The following DOCK3 variants were observed in gnomAD, a reference collection of about 807,000 sequenced individuals.
The protein encoded by DOCK3 is dedicator of cytokinesis protein 3.
Under a neutral mutation model 265.6 loss-of-function variants are expected in DOCK3, and 60 were observed. The observed-to-expected ratio is 0.23, with a 90% CI of 0.18 to 0.28. DOCK3 has a LOEUF of 0.28. DOCK3 is among the 10% of genes least tolerant of loss of function. DOCK3 has a pLI of 1.00. For synonymous variants in DOCK3, 881 were observed against 938.0 expected, an observed-to-expected ratio of 0.94 and a Z score of 1.11; for missense variants, 1,981 against 2,594.3, an observed-to-expected ratio of 0.76 and a Z score of 5.14.
chr3:50,798,484 C>T (rs755428832), intron 2 of DOCK3, among the ~76,000 whole-genome samples: 11 of 152,184 alleles, frequency 7.2e-5, no homozygotes, highest in Non-Finnish European at 1.5e-4. Context: ...AGTGCCATCT[C>T]TCAGAAAGAA....
chr3:50,685,724 A>G, intron 1 of DOCK3: 1 of 226,950 alleles, frequency 4.4e-6, no homozygotes, highest in Admixed American at 4.2e-5. Flanking sequence ...TAGAGCATGG[A>G]AGTTTTCTGC....
chr3:51,375,794 G>C lies in DOCK3; in HGVS notation c.5459G>C (p.Cys1820Ser). Residue 1820 changes from cysteine to serine, a missense_variant, in exon 51 of 53, where the codon TGC (cysteine) becomes TCC (serine). Cys to Ser is a moderately radical substitution (Grantham distance 112). This residue lies in a region of DOCK3 where 1,357 missense variants were observed against 1,866.8 expected (regional missense o/e 0.73). Coordinates refer to ENST00000266037, the MANE Select transcript of DOCK3 (RefSeq NM_004947.5). ...RALFQQVVGA[C>S]KPCSDPNLSV... Reference sequence around the variant, plus strand: ...CTGTTCCAGCAAGTGGTCGGAGCCTGCAAACCCTGCAGTGATCCCAATCTG... The same window carrying C: ...CTGTTCCAGCAAGTGGTCGGAGCCTCCAAACCCTGCAGTGATCCCAATCTG... 1 of 1,613,982 alleles carries C rather than the reference G, an allele frequency of 6.2e-7. No homozygotes were observed. Among genetic ancestry groups the C allele is most frequent in the African/African-American group, 1.3e-5 (1 of 75,024 alleles).
intron 5 of DOCK3, among the ~76,000 whole-genome samples, chr3:50,979,366 A>G (rs557326437): frequency 1.2e-4 from 18 of 152,246 alleles, no homozygotes; most frequent in African/African-American, 4.1e-4. Context: ...TGTTATCCCA[A>G]TATTGGAGAT....
chr3:50,993,168 C>T (rs953068158), intron 5 of DOCK3, among the ~76,000 whole-genome samples: 1 of 152,108 alleles, frequency 6.6e-6, no homozygotes, highest in Non-Finnish European at 1.5e-5. Context: ...TATGATGGGA[C>T]CTCCTATAAG....
At chr3:51,044,717 T>C (rs982436065) in intron 5 of DOCK3, among the ~76,000 whole-genome samples, 1 of 152,176 alleles carries the variant, frequency 6.6e-6, no homozygotes, top group Non-Finnish European at 1.5e-5. Context: ...CTAGATCTTC[T>C]GAATAACTTG....
chr3:50,985,825 A>T (rs2077877315), intron 5 of DOCK3, among the ~76,000 whole-genome samples: 2 of 151,588 alleles, frequency 1.3e-5, no homozygotes, highest in African/African-American at 2.4e-5. Context: ...TTTATTTATT[A>T]AATTAAATTA....
At chr3:50,866,937 A>G (rs1450668294) in intron 3 of DOCK3, among the ~76,000 whole-genome samples, 1 of 152,102 alleles carries the variant, frequency 6.6e-6, no homozygotes, top group Non-Finnish European at 1.5e-5. Context: ...GGTTCCAAAT[A>G]TATTTTAGGA....
At chr3:51,091,450 G>A (rs1271180339) in intron 9 of DOCK3, among the ~76,000 whole-genome samples, 38 of 152,134 alleles carry the variant, frequency 2.5e-4, no homozygotes, top group African/African-American at 2.4e-5. Flanking sequence ...TTGGGAGGCC[G>A]AGGAGGGCGA....
chr3:50,950,698 C>T (rs2108310290), intron 5 of DOCK3, among the ~76,000 whole-genome samples: 1 of 152,186 alleles, frequency 6.6e-6, no homozygotes, highest in South Asian at 2.1e-4. Flanking sequence ...CCTCCTGCTG[C>T]CTAGCTTTTG....
chr3:51,036,594 A>G (rs1255111170), intron 5 of DOCK3, among the ~76,000 whole-genome samples: 1 of 152,180 alleles, frequency 6.6e-6, no homozygotes, highest in Non-Finnish European at 1.5e-5. Flanking sequence ...ACTTCATACT[A>G]TACCGTACTC....
chr3:50,956,062 ATTT>A (rs34398167), intron 5 of DOCK3, among the ~76,000 whole-genome samples: 1 of 142,012 alleles, frequency 7.0e-6, no homozygotes, highest in African/African-American at 2.6e-5. Context: ...TGTGTGCCAC[ATTT>A]TTTTTTTTTT....
chr3:51,089,738 C>T (rs1027968371), intron 8 of DOCK3, among the ~76,000 whole-genome samples: 1 of 151,222 alleles, frequency 6.6e-6, no homozygotes, highest in African/African-American at 2.4e-5. Flanking sequence ...GTGAAACCTA[C>T]TAAAAATAAA....
At chr3:50,697,545 C>T (rs746341555) in intron 1 of DOCK3, among the ~76,000 whole-genome samples, 9 of 152,134 alleles carry the variant, frequency 5.9e-5, no homozygotes, top group East Asian at 3.9e-4. Context: ...GAGCCGAGAT[C>T]GTGCCACTGC....
At chr3:51,308,549 C>T (rs1331688714) in intron 27 of DOCK3, among the ~76,000 whole-genome samples, 1 of 151,898 alleles carries the variant, frequency 6.6e-6, no homozygotes, top group Non-Finnish European at 1.5e-5. Context: ...GGTCATAGAT[C>T]AACAGGATCC....
intron 9 of DOCK3, among the ~76,000 whole-genome samples, chr3:51,137,728 A>G (rs1034378554): frequency 1.2e-4 from 19 of 152,194 alleles, no homozygotes; most frequent in African/African-American, 4.1e-4. Flanking sequence ...TTCATATGCT[A>G]TTGTCTATAG....
chr3:50,810,851 A>G (rs2043710826), intron 2 of DOCK3, among the ~76,000 whole-genome samples: 1 of 152,166 alleles, frequency 6.6e-6, no homozygotes, highest in African/African-American at 2.4e-5. Context: ...GTATGAGGAA[A>G]CTTTCAGGGT....
At chr3:51,302,152 TG>T (rs2082394482) in intron 27 of DOCK3, among the ~76,000 whole-genome samples, 1 of 152,234 alleles carries the variant, frequency 6.6e-6, no homozygotes, top group South Asian at 2.1e-4. Flanking sequence ...TAGCCCTTCT[TG>T]TTGCATTGAT....
At chr3:51,327,500 T>G (rs1274585643) in intron 32 of DOCK3, among the ~76,000 whole-genome samples, 8 of 152,174 alleles carry the variant, frequency 5.3e-5, no homozygotes, top group African/African-American at 1.9e-4. Flanking sequence ...TGTCACTAAT[T>G]ATGACAAAAT....
rs769557150 is a variant in DOCK3, at chr3:50,893,292, C to T, written c.218+3211C>T. The T allele has an allele frequency of 1.2e-4, 34 of 272,636 alleles. 2 individuals are homozygous for T. In the Middle Eastern group the frequency reaches 0.014, roughly 109 times the overall value. 16.9% of individuals were successfully genotyped at this position (272,636 alleles called of 1,614,324 possible). ...AAGAAAAGGAGTTCTATGAATTGCC[C>T]TCAAGACAACTCAAAATAATAGTCT... On this transcript the variant is annotated intron_variant, in intron 4 of 52. Coordinates refer to ENST00000266037, the MANE Select transcript of DOCK3 (RefSeq NM_004947.5).
Sources: gnomAD v4.1 joint callset for allele counts (sites outside exome capture counted in the v4.1 genomes callset) on GRCh38, gnomAD v4.1.1 for gene constraint, gnomAD v4.1.1 regional missense constraint, MANE v1.5 for transcripts, NCBI Gene and HGNC (gene_info 2026-07-23, HGNC 2026-07-21) for gene names.